DLGAP2: variants seen among roughly 807,000 people sequenced by gnomAD.
The protein encoded by DLGAP2 is DLG associated protein 2.
In DLGAP2, 26 loss-of-function variants were observed where a neutral mutation model predicts 100.3. The ratio of observed to expected loss-of-function variants is 0.26; its 90% CI spans 0.19 to 0.36. The LOEUF is 0.36. Ranked by LOEUF, DLGAP2 falls within the 10% of genes least tolerant of loss-of-function variation. The pLI, the probability that DLGAP2 is intolerant of heterozygous loss-of-function variation, is 1.00. For synonymous variants in DLGAP2, 886 were observed against 630.1 expected (o/e 1.41, Z -6.08); for missense variants, 1,858 against 1,453.2 (o/e 1.28, Z -4.53).
chr8:1,369,387 C>T (rs1026115931), intron 3 of DLGAP2: 1 of 152,262 alleles, frequency 6.6e-6, no homozygotes. Context: ...GTGTCGTGAT[C>T]ACCCCTTCCT....
At chr8:1,671,408 GTTCTGCGAAT>G (rs1798686613) in intron 10 of DLGAP2, among the ~76,000 whole-genome samples, 1 of 152,202 alleles carries the variant, frequency 6.6e-6, no homozygotes, top group Admixed American at 6.5e-5. Flanking sequence ...GAGAATCTGT[GTTCTGCGAAT>G]GTCATTCCTA....
intron 1 of DLGAP2, among the ~76,000 whole-genome samples, chr8:785,524 A>T (rs1211763103): frequency 1.5e-5 from 2 of 132,518 alleles, no homozygotes; most frequent in African/African-American, 5.8e-5. Context: ...CCTTTCTGAG[A>T]CCGGCTTCCC....
chr8:962,874 T>G (rs1328549847), intron 2 of DLGAP2, among the ~76,000 whole-genome samples: 1 of 152,154 alleles, frequency 6.6e-6, no homozygotes, highest in Non-Finnish European at 1.5e-5. Flanking sequence ...CATCTGTGGG[T>G]GGCTTTCATG....
intron 2 of DLGAP2, among the ~76,000 whole-genome samples, chr8:1,206,158 G>T (rs1241412735): frequency 5.9e-5 from 9 of 152,328 alleles, no homozygotes; most frequent in Admixed American, 3.9e-4. Context: ...GGAGTTTGAA[G>T]GGAAGGCGCT....
At chr8:1,013,662 GCCTCC>G (rs1563144333) in intron 2 of DLGAP2, among the ~76,000 whole-genome samples, 38 of 120,190 alleles carry the variant, frequency 3.2e-4, no homozygotes, top group Middle Eastern at 4.0e-3. Context: ...CAGGACAGAC[GCCTCC>G]ACTGTGTGAG....
chr8:1,145,882 C>A (rs985224076), intron 2 of DLGAP2, among the ~76,000 whole-genome samples: 5 of 149,800 alleles, frequency 3.3e-5, no homozygotes, highest in Non-Finnish European at 7.4e-5. Flanking sequence ...TTTGTTCTTG[C>A]GATAGTTTAC....
chr8:1,076,823 C>T (rs998548703), intron 2 of DLGAP2, among the ~76,000 whole-genome samples: 5 of 149,386 alleles, frequency 3.3e-5, no homozygotes, highest in African/African-American at 1.2e-4. Flanking sequence ...GTCCCAGGCC[C>T]CCCCCCAAGA....
chr8:985,262 G>A (rs765532337), intron 2 of DLGAP2, among the ~76,000 whole-genome samples: 2 of 152,200 alleles, frequency 1.3e-5, no homozygotes, highest in African/African-American at 2.4e-5. Context: ...CCCACTGTCC[G>A]TAGATGTGTG....
chr8:1,590,655 T>C (rs961425782), intron 6 of DLGAP2, among the ~76,000 whole-genome samples: 7 of 152,258 alleles, frequency 4.6e-5, no homozygotes, highest in African/African-American at 1.7e-4. Context: ...AAATTCCACT[T>C]TAATTTCATG....
At chr8:1,243,293 G>A (rs1454590010) in intron 2 of DLGAP2, among the ~76,000 whole-genome samples, 1 of 152,142 alleles carries the variant, frequency 6.6e-6, no homozygotes, top group African/African-American at 2.4e-5. Context: ...GTAGAGGTGA[G>A]GCGGGAGCTG....
chr8:1,194,381 A>C (rs1797706119), intron 2 of DLGAP2, among the ~76,000 whole-genome samples: 1 of 152,026 alleles, frequency 6.6e-6, no homozygotes, highest in Non-Finnish European at 1.5e-5. Context: ...CGGCCGGCCC[A>C]CATAAGGGCA....
At chr8:1,699,199 A>G (rs1310739004) in intron 14 of DLGAP2, among the ~76,000 whole-genome samples, 2 of 152,232 alleles carry the variant, frequency 1.3e-5, no homozygotes, top group Admixed American at 6.5e-5. Flanking sequence ...AGCTGCGCAT[A>G]GAGTATGATT....
intron 3 of DLGAP2, among the ~76,000 whole-genome samples, chr8:1,293,397 T>C (rs1051365368): frequency 1.1e-4 from 16 of 150,970 alleles, no homozygotes; most frequent in Admixed American, 1.3e-4. Flanking sequence ...CATGGCTCCT[T>C]CCCTGGCAGC....
chr8:869,493 G>A (rs1331063198), intron 1 of DLGAP2, among the ~76,000 whole-genome samples: 3 of 152,068 alleles, frequency 2.0e-5, no homozygotes, highest in African/African-American at 4.8e-5. Flanking sequence ...TAAAATAGAC[G>A]TCTCTTTATT....
chr8:1,307,730 C>T (rs906588718), intron 3 of DLGAP2, among the ~76,000 whole-genome samples: 3 of 152,146 alleles, frequency 2.0e-5, no homozygotes, highest in African/African-American at 4.8e-5. Flanking sequence ...TATAGATGAA[C>T]CCTGAAGACA....
chr8:1,425,933 G>A (rs182371560), intron 3 of DLGAP2, among the ~76,000 whole-genome samples: 105 of 152,308 alleles, frequency 6.9e-4, no homozygotes, highest in Admixed American at 1.3e-3. Context: ...AAATAGCCAG[G>A]ACCTGATGTA....
At chr8:1,438,181 C>T (rs1439004283) in intron 3 of DLGAP2, among the ~76,000 whole-genome samples, 3 of 152,096 alleles carry the variant, frequency 2.0e-5, no homozygotes, top group Non-Finnish European at 4.4e-5. Flanking sequence ...CGAGGGGCAA[C>T]CAGCGCTAGC....
chr8:790,561 G>A (rs907005605), intron 1 of DLGAP2, among the ~76,000 whole-genome samples: 3 of 152,178 alleles, frequency 2.0e-5, no homozygotes, highest in Non-Finnish European at 4.4e-5. Flanking sequence ...GGCTTAGCTG[G>A]TAGATGTTTC....
intron 2 of DLGAP2, among the ~76,000 whole-genome samples, chr8:1,181,630 C>T (rs1461367224): frequency 6.6e-6 from 1 of 151,988 alleles, no homozygotes; most frequent in African/African-American, 2.4e-5. Context: ...ACAATAAGCC[C>T]CCACGACCCA....
Sources: allele counts gnomAD v4.1 joint callset (sites outside exome capture counted in the v4.1 genomes callset), GRCh38; gene constraint gnomAD v4.1.1; transcripts MANE v1.5; gene names NCBI Gene and HGNC (gene_info 2026-07-23, HGNC 2026-07-21).